SYPL1: variants seen among roughly 807,000 people sequenced by gnomAD.
SYPL1 encodes the protein synaptophysin-like protein 1.
In SYPL1, 6 loss-of-function variants were observed where a neutral mutation model predicts 23.7. The ratio of observed to expected loss-of-function variants is 0.25; its 90% CI spans 0.14 to 0.50. The LOEUF is 0.50. Among genes scored for constraint, SYPL1 ranks in the 20% least tolerant of loss-of-function variants. SYPL1 has a pLI of 0.98. For missense variants in SYPL1, 253 were observed against 288.9 expected (o/e 0.88, Z 0.90); for synonymous variants, 102 against 104.5 (o/e 0.98, Z 0.15).
intron 1 of SYPL1, among the ~76,000 whole-genome samples, chr7:106,107,185 A>G (rs1840645529): frequency 6.6e-6 from 1 of 152,242 alleles, no homozygotes; most frequent in Admixed American, 6.5e-5. Context: ...AAAATGAAAT[A>G]TTATAGCACG....
In SYPL1 at chr7:106,109,923, G is replaced by A. The variant is rs772891950; in HGVS notation, c.69+2217C>T. On this transcript the variant is annotated intron_variant, in intron 1 of 4. Transcript: ENST00000455385. This position sits in a 1 kb window ranked among gnomAD's most constrained non-coding sequence, Gnocchi z 4.3. ...TCCTTTTAGAAATTTTCATTTTGTC[G>A]GCAGTTAGAGGGATGGATTGGAAAG... Among the ~76,000 whole-genome samples, 26 of 151,852 alleles carry A rather than the reference G, an allele frequency of 1.7e-4. No individual in the cohort carries two copies. The highest frequency in any genetic ancestry group is 1.5e-3 in the Admixed American group (23 of 15,238).
chr7:106,105,533 C>G (rs115198660), intron 1 of SYPL1, among the ~76,000 whole-genome samples: 2,930 of 148,826 alleles, frequency 0.02, 103 homozygotes, highest in African/African-American at 0.07. Context: ...ACCACCATGG[C>G]AGATCTTATT....
chr7:106,112,070 G>C, intron 1 of SYPL1, 70 bp downstream of exon 1: 1 of 1,283,554 alleles, frequency 7.8e-7, no homozygotes, highest in Non-Finnish European at 1.0e-6. Flanking sequence ...CGGCTCGCAG[G>C]TCCCCGTCTC....
intron 1 of SYPL1, among the ~76,000 whole-genome samples, chr7:106,110,149 C>T (rs147737917): frequency 6.6e-6 from 1 of 152,124 alleles, no homozygotes; most frequent in Non-Finnish European, 1.5e-5. Context: ...CAAAGATTAA[C>T]CCCAGAAGCA....
chr7:106,094,902 G>A (rs1421458417), intron 3 of SYPL1, among the ~76,000 whole-genome samples: 1 of 152,102 alleles, frequency 6.6e-6, no homozygotes, highest in Non-Finnish European at 1.5e-5. Flanking sequence ...AGGAACGTGG[G>A]GGGAATTCTG....
chr7:106,099,879 G>T (rs1044157383), intron 1 of SYPL1, among the ~76,000 whole-genome samples: 2 of 152,122 alleles, frequency 1.3e-5, no homozygotes, highest in Admixed American at 1.3e-4. Flanking sequence ...GATGGTGAAA[G>T]ACATTAAAAC....
intron 4 of SYPL1, 109 bp downstream of exon 4, chr7:106,092,840 G>GCT (rs1839808879): frequency 5.1e-6 from 5 of 984,184 alleles, no homozygotes; most frequent in Non-Finnish European, 7.1e-6. Context: ...AGGTAGCTGA[G>GCT]TAAAAATAAA....
chr7:106,093,176 AATT>A, intron 3 of SYPL1, 39 bp from the exon 4 acceptor site: 2 of 1,477,542 alleles, frequency 1.4e-6, no homozygotes, highest in Non-Finnish European at 1.8e-6. Context: ...ATGAACAGTT[AATT>A]TTAATACTAA....
At position 106,109,794 on chromosome 7, in the gene SYPL1, C is replaced by A. The variant is rs1790053360; in HGVS notation, c.69+2346G>T. ...CTTCCATATATATTCTAATTTGTAA[C>A]CCCCTTTTGTAAACCCCTTCAGTCC... On this transcript the variant is annotated intron_variant, in intron 1 of 4. Transcript: ENST00000455385. This position sits in a 1 kb window ranked among gnomAD's most constrained non-coding sequence, Gnocchi z 4.3. Among the ~76,000 whole-genome samples the A allele has an allele frequency of 6.6e-6, 1 of 152,180 alleles. No homozygotes were observed. Among genetic ancestry groups the A allele is most frequent in the Non-Finnish European group, 1.5e-5 (1 of 68,020 alleles).
intron 1 of SYPL1, among the ~76,000 whole-genome samples, chr7:106,111,099 C>A (rs1285741112): frequency 6.6e-6 from 1 of 152,156 alleles, no homozygotes; most frequent in Non-Finnish European, 1.5e-5. Context: ...GGTGAAATTG[C>A]CTAACCCCTT....
intron 2 of SYPL1, among the ~76,000 whole-genome samples, chr7:106,098,808 T>C (rs1045393555): frequency 4.6e-5 from 7 of 152,234 alleles, no homozygotes; most frequent in Admixed American, 4.6e-4. Flanking sequence ...TAAGTTATGT[T>C]TCCTTCTACA....
At chr7:106,098,680 AGT>A in intron 2 of SYPL1, among the ~76,000 whole-genome samples, 1 of 152,248 alleles carries the variant, frequency 6.6e-6, no homozygotes, top group African/African-American at 2.4e-5. Context: ...ACTTTAAGAA[AGT>A]GTGGCTTTAT....
chr7:106,112,293 A>G lies in SYPL1; in HGVS notation c.-85T>C. 1.5e-6 allele frequency: 2 copies of G among 1,351,940 alleles called. No homozygotes were observed. The highest frequency in any genetic ancestry group is 1.9e-6 in the Non-Finnish European group (2 of 1,034,886). 83.7% of individuals were successfully genotyped at this position (1,351,940 alleles called of 1,614,324 possible). A position where few individuals can be genotyped will look rare whatever the true frequency, so the allele number is the denominator to read the frequency against. The stretch of plus-strand genomic sequence containing the variant: ...GACCAGAGCAGCCCGGTGGCGAGGA[A>G]GGGCAGGCGGGGCTGGCGCGCTGGC... On this transcript the variant is annotated 5_prime_UTR_variant, in exon 1 of 5. Coordinates refer to ENST00000455385, the MANE Select transcript of SYPL1 (RefSeq NM_182715.4).
Position 106,112,287 on chromosome 7 carries a change from CGAGG to C in SYPL1, c.-83_-80del. 7.2e-7 allele frequency: 1 copy of C among 1,388,432 alleles called. No individual in the cohort carries two copies. Among genetic ancestry groups the C allele is most frequent in the Non-Finnish European group, 9.5e-7 (1 of 1,053,850 alleles). The allele number at this position is 1,388,432 out of a possible 1,614,324, so 86.0% of individuals were successfully genotyped here. A position where few individuals can be genotyped will look rare whatever the true frequency, so the allele number is the denominator to read the frequency against. ...CGACGAGACCAGAGCAGCCCGGTGG[CGAGG>C]AAGGGCAGGCGGGGCTGGCGCGCTG... On this transcript the variant is annotated 5_prime_UTR_variant, in exon 1 of 5. Coordinates refer to ENST00000455385, the MANE Select transcript of SYPL1 (RefSeq NM_182715.4).
rs1477279427 is a variant in SYPL1 at position 106,100,420 on chromosome 7, AAAGT to A, written c.70-1142_70-1139del. On this transcript the variant is annotated intron_variant, in intron 1 of 4. Transcript: ENST00000455385. This position sits in a 1 kb window ranked among gnomAD's most constrained non-coding sequence, Gnocchi z 5.1. ...AACATAGAAAGTGTTCATTACATAC[AAAGT>A]AGATTTAAACAACAAAAACTAGAAA... Among the ~76,000 whole-genome samples the A allele has an allele frequency of 6.6e-6, 1 of 152,246 alleles. No homozygotes were observed. Among genetic ancestry groups the A allele is most frequent in the Non-Finnish European group, 1.5e-5 (1 of 68,046 alleles).
chr7:106,093,387 A>G (rs1839860575), intron 3 of SYPL1: 1 of 380,342 alleles, frequency 2.6e-6, no homozygotes, highest in Non-Finnish European at 4.7e-6. Flanking sequence ...CACACTAGAA[A>G]CCAAAGTTTT....
At position 106,095,438 on chromosome 7, in the gene SYPL1, C is replaced by G. The variant is rs1839970914; in HGVS notation, c.402+2252G>C. On this transcript the variant is annotated intron_variant, in intron 3 of 4. Coordinates refer to ENST00000455385, the MANE Select transcript of SYPL1 (RefSeq NM_182715.4). This position sits in a 1 kb window ranked among gnomAD's most constrained non-coding sequence, Gnocchi z 4.3. ...GATCTTGGCTCACTGTAACCTCCAC[C>G]TCCTGGGTTCAAGCGATTCTCCTGC... Among the ~76,000 whole-genome samples the G allele has an allele frequency of 6.6e-6, 1 of 151,970 alleles. No homozygotes were observed. The highest frequency in any genetic ancestry group is 1.5e-5 in the Non-Finnish European group (1 of 67,988).
chr7:106,112,086 CT>C (rs1401763129), intron 1 of SYPL1, 53 bp downstream of exon 1: 146 of 1,351,132 alleles, frequency 1.1e-4, no homozygotes, highest in Non-Finnish European at 1.4e-4. Flanking sequence ...GTCTCCCCGC[CT>C]AGGGCGCCGC....
In SYPL1 at chr7:106,100,357, CTGTTGGAAATTAACAACATAGAA is replaced by C. The variant is rs1840251187; in HGVS notation, c.70-1098_70-1076del. The stretch of plus-strand genomic sequence containing the variant: ...ATTCATGCAATGAAACATTATATAG[CTGTTGGAAATTAACAACATAGAA>C]TGTTGGAGATTAACAACATAGAAAG... On this transcript the variant is annotated intron_variant, in intron 1 of 4. Transcript: ENST00000455385. This position sits in a 1 kb window ranked among gnomAD's most constrained non-coding sequence, Gnocchi z 5.1. 6.6e-6 allele frequency among the ~76,000 whole-genome samples: 1 copy of C among 152,154 alleles called. No homozygotes were observed. The highest frequency in any genetic ancestry group is 6.5e-5 in the Admixed American group (1 of 15,278).
Sources: allele counts gnomAD v4.1 joint callset (sites outside exome capture counted in the v4.1 genomes callset), GRCh38; gene constraint gnomAD v4.1.1; non-coding constraint Gnocchi (gnomAD v3.1); transcripts MANE v1.5; gene names NCBI Gene and HGNC (gene_info 2026-07-23, HGNC 2026-07-21).